ZNF438: variants seen among roughly 807,000 people sequenced by gnomAD.
ZNF438 encodes the protein zinc finger protein 438.
ZNF438 carries 25 observed loss-of-function variants against 38.0 expected under a neutral mutation model. The observed-to-expected ratio is 0.66, with a 90% CI of 0.48 to 0.92. ZNF438 has a LOEUF of 0.92. ZNF438 is among the 40% of genes least tolerant of loss of function. The pLI is 0.00. For synonymous variants in ZNF438, 372 were observed against 364.1 expected, an observed-to-expected ratio of 1.02 and a Z score of -0.25; for missense variants, 1,007 against 999.6, an observed-to-expected ratio of 1.01 and a Z score of -0.10.
chr10:30,876,572 C>T (rs187616982), intron 4 of ZNF438, among the ~76,000 whole-genome samples: 51 of 152,266 alleles, frequency 3.3e-4, no homozygotes, highest in African/African-American at 1.1e-3. Context: ...AATGTATACA[C>T]AAATTCTATA....
chr10:30,997,436 C>A (rs2132694089), intron 1 of ZNF438, among the ~76,000 whole-genome samples: 1 of 152,124 alleles, frequency 6.6e-6, no homozygotes, highest in Non-Finnish European at 1.5e-5. Flanking sequence ...AAAATGAACG[C>A]AAAAAGAAAT....
chr10:30,950,161 C>G (rs1338063186), intron 1 of ZNF438, among the ~76,000 whole-genome samples: 5 of 149,800 alleles, frequency 3.3e-5, no homozygotes, highest in African/African-American at 4.9e-5. Context: ...GGGTACATAA[C>G]GAAATGAAGG....
chr10:31,006,220 C>A (rs965265574), intron 1 of ZNF438, among the ~76,000 whole-genome samples: 1 of 152,110 alleles, frequency 6.6e-6, no homozygotes. Flanking sequence ...GGAGGCTGGA[C>A]ACTAGAAAGA....
rs189323635 is a variant in ZNF438, at chr10:31,002,131, C to T, written c.-192+29702G>A. Among the ~76,000 whole-genome samples the T allele has an allele frequency of 8.3e-4, 126 of 152,286 alleles. 2 individuals are homozygous for T. Among genetic ancestry groups the T allele is most frequent in the South Asian group, 6.2e-4 (3 of 4,826 alleles). ...ACATAAGACTGAATGGGTCCATTTC[C>T]TTAAAGCCTCTCCAGAATTGTCAGT... On this transcript the variant is annotated intron_variant, in intron 1 of 5. Transcript: ENST00000413025.
rs575160818 is a variant in ZNF438, at chr10:30,848,523, G to T, written c.1874+8C>A. The T allele has an allele frequency of 1.2e-6, 2 of 1,604,858 alleles. No individual in the cohort carries two copies. Among genetic ancestry groups the T allele is most frequent in the Non-Finnish European group, 1.7e-6 (2 of 1,173,316 alleles). ...CTCTTGCCAGGTCTCCATTACATTG[G>T]CACTCACCTCTCCAATGATCCCTCC... On this transcript the variant is annotated splice_region_variant and intron_variant, in intron 5 of 5. Coordinates refer to ENST00000413025, the Ensembl canonical transcript of ZNF438.
At chr10:30,961,080 CAAGATA>C (rs1190484579) in intron 1 of ZNF438, among the ~76,000 whole-genome samples, 2 of 140,940 alleles carry the variant, frequency 1.4e-5, no homozygotes, top group African/African-American at 5.0e-5. Context: ...CAGGTATGTA[CAAGATA>C]AAGAACAAAA....
At chr10:30,871,097 G>A (rs1216759442) in intron 4 of ZNF438, among the ~76,000 whole-genome samples, 1 of 152,168 alleles carries the variant, frequency 6.6e-6, no homozygotes, top group Non-Finnish European at 1.5e-5. Context: ...ACTACGATTA[G>A]ATAACAAGAA....
chr10:30,872,129 C>A (rs764380276), intron 4 of ZNF438, among the ~76,000 whole-genome samples: 3 of 151,990 alleles, frequency 2.0e-5, no homozygotes, highest in Non-Finnish European at 4.4e-5. Flanking sequence ...GGCACGGTGG[C>A]TCAGGCCTGT....
At chr10:30,924,073 T>C (rs111371095) in intron 2 of ZNF438, among the ~76,000 whole-genome samples, 3,210 of 152,296 alleles carry the variant, frequency 0.021, 114 homozygotes, top group African/African-American at 0.074. Context: ...ATTATATCTT[T>C]TAAAAATTAC....
At chr10:30,854,335 A>G (rs542726588) in intron 4 of ZNF438, among the ~76,000 whole-genome samples, 91 of 152,280 alleles carry the variant, frequency 6.0e-4, no homozygotes, top group Middle Eastern at 3.4e-3. Context: ...ATTAATAGAT[A>G]AAGTATCACA....
At chr10:30,855,956 G>T (rs1289691748) in intron 4 of ZNF438, among the ~76,000 whole-genome samples, 1 of 152,186 alleles carries the variant, frequency 6.6e-6, no homozygotes, top group African/African-American at 2.4e-5. Flanking sequence ...CACCGAATAC[G>T]CTCTGTGCCT....
rs758634083 is a variant in ZNF438, at chr10:30,877,018, G to C, written c.17C>G (p.Ser6Ter). Residue 6 changes from serine (S) to a stop codon, truncating the protein, a stop_gained, in exon 4 of 6, where the codon TCA (serine) becomes TGA (stop). Coordinates refer to ENST00000413025, the Ensembl canonical transcript of ZNF438. LOFTEE classifies it high-confidence loss of function. The stretch of plus-strand genomic sequence containing the variant: ...CTTACCTTCATCTTTTGGTGGTACT[G>C]ATACAGAATTCTGCATTATGATGTA... 2.6e-5 allele frequency: 42 copies of C among 1,605,776 alleles called. No homozygotes were observed. Among genetic ancestry groups the C allele is most frequent in the Non-Finnish European group, 2.6e-6 (3 of 1,176,128 alleles).
chr10:30,878,179 C>G (rs753874732), intron 3 of ZNF438, among the ~76,000 whole-genome samples: 4 of 152,186 alleles, frequency 2.6e-5, no homozygotes, highest in Non-Finnish European at 5.9e-5. Flanking sequence ...TTTGCCTGTT[C>G]TCTCCTGATT....
intron 3 of ZNF438, among the ~76,000 whole-genome samples, chr10:30,882,166 A>C (rs372825897): frequency 1.8e-4 from 27 of 152,312 alleles, no homozygotes; most frequent in Admixed American, 1.3e-3. Flanking sequence ...TAATCTGATA[A>C]AGAAATTGTA....
chr10:31,023,972 C>G (rs998358992), intron 1 of ZNF438, among the ~76,000 whole-genome samples: 1 of 152,222 alleles, frequency 6.6e-6, no homozygotes, highest in Non-Finnish European at 1.5e-5. Flanking sequence ...CTCCCCTACC[C>G]AGCAAGTATG....
intron 1 of ZNF438, among the ~76,000 whole-genome samples, chr10:30,959,266 G>A (rs899465528): frequency 6.8e-6 from 1 of 146,552 alleles, no homozygotes; most frequent in Non-Finnish European, 1.5e-5. Flanking sequence ...CCATTATATG[G>A]GGGAGCTTCA....
intron 1 of ZNF438, among the ~76,000 whole-genome samples, chr10:30,982,229 G>A (rs2052281891): frequency 6.6e-6 from 1 of 151,692 alleles, no homozygotes; most frequent in Non-Finnish European, 1.5e-5. Context: ...AGCCTCCTGA[G>A]TAGCTGGGAC....
chr10:30,971,685 C>A (rs1432128164), intron 1 of ZNF438, among the ~76,000 whole-genome samples: 1 of 152,042 alleles, frequency 6.6e-6, no homozygotes, highest in African/African-American at 2.4e-5. Flanking sequence ...TCTAAAACCT[C>A]ATTTTCTTTA....
At chr10:31,013,333 C>T (rs1202949415) in intron 1 of ZNF438, among the ~76,000 whole-genome samples, 1 of 151,994 alleles carries the variant, frequency 6.6e-6, no homozygotes, top group East Asian at 1.9e-4. Flanking sequence ...AAAAAAAATC[C>T]CCAACTGCAC....
Sources: allele counts gnomAD v4.1 joint callset (sites outside exome capture counted in the v4.1 genomes callset), GRCh38; gene constraint gnomAD v4.1.1; transcripts MANE v1.5; gene names NCBI Gene and HGNC (gene_info 2026-07-23, HGNC 2026-07-21).